The following CTNNBL1 variants were observed in gnomAD, a reference collection of about 807,000 sequenced individuals.
CTNNBL1 encodes catenin beta like 1.
A neutral mutation model predicts 72.7 loss-of-function variants in CTNNBL1; 31 were observed. The observed-to-expected ratio is 0.43, with a 90% confidence interval of 0.32 to 0.58. The LOEUF is 0.58. Ranked by LOEUF, CTNNBL1 falls within the 20% of genes least tolerant of loss-of-function variation. The probability of loss-of-function intolerance (pLI) is 0.08; values close to 1 mark genes in which losing one functional copy is unlikely to be tolerated. For missense variants in CTNNBL1, 534 were observed against 725.1 expected (o/e 0.74, Z 3.03); for synonymous variants, 240 against 267.3 (o/e 0.90, Z 1.00).
chr20:37,836,333 T>G (rs1360646004), intron 11 of CTNNBL1, among the ~76,000 whole-genome samples: 3 of 152,230 alleles, frequency 2.0e-5, no homozygotes, highest in Admixed American at 1.3e-4. Flanking sequence ...TAAAATTCAC[T>G]GGTAGGCCCT....
intron 1 of CTNNBL1, among the ~76,000 whole-genome samples, chr20:37,722,028 T>TC (rs1018580808): frequency 6.6e-6 from 1 of 152,376 alleles, no homozygotes; most frequent in African/African-American, 2.4e-5. Flanking sequence ...TTTTATTTTT[T>TC]CATTTTTGTC....
intron 4 of CTNNBL1, among the ~76,000 whole-genome samples, chr20:37,754,098 C>T (rs566852721): frequency 4.8e-4 from 73 of 152,232 alleles, no homozygotes; most frequent in African/African-American, 1.6e-3. Context: ...CAGATATACT[C>T]CACTTGTCTT....
At chr20:37,781,472 G>A (rs2073625057) in intron 10 of CTNNBL1, among the ~76,000 whole-genome samples, 1 of 152,102 alleles carries the variant, frequency 6.6e-6, no homozygotes, top group South Asian at 2.1e-4. Flanking sequence ...TTAAAGGAGA[G>A]CTCCAAAAAA....
chr20:37,741,512 C>T (rs190793410), intron 3 of CTNNBL1, among the ~76,000 whole-genome samples: 9 of 152,330 alleles, frequency 5.9e-5, no homozygotes, highest in South Asian at 2.1e-4. Flanking sequence ...TGGGACACCA[C>T]GCTCTGTGTT....
At chr20:37,799,138 A>G (rs796535640) in intron 10 of CTNNBL1, among the ~76,000 whole-genome samples, 11 of 152,080 alleles carry the variant, frequency 7.2e-5, no homozygotes, top group African/African-American at 2.4e-4. Context: ...GTCATTTCTC[A>G]TTTTTGTTGT....
At chr20:37,831,908 TC>T (rs1164024873) in intron 11 of CTNNBL1, among the ~76,000 whole-genome samples, 9 of 152,218 alleles carry the variant, frequency 5.9e-5, no homozygotes. Flanking sequence ...TATTTTCAGT[TC>T]TTGCAGGAAG....
chr20:37,781,947 C>T (rs2073629278), intron 10 of CTNNBL1, among the ~76,000 whole-genome samples: 1 of 152,184 alleles, frequency 6.6e-6, no homozygotes, highest in South Asian at 2.1e-4. Context: ...TGCTCTTTTA[C>T]TTACTAGCTC....
intron 2 of CTNNBL1, among the ~76,000 whole-genome samples, chr20:37,735,667 A>G (rs2073165206): frequency 6.6e-6 from 1 of 152,186 alleles, no homozygotes; most frequent in South Asian, 2.1e-4. Context: ...GGGATCTAGG[A>G]GTCATTGGTA....
At chr20:37,707,200 A>G (rs1048668569) in intron 1 of CTNNBL1, among the ~76,000 whole-genome samples, 5 of 152,218 alleles carry the variant, frequency 3.3e-5, no homozygotes, top group Non-Finnish European at 5.9e-5. Context: ...TTTAAAAGTC[A>G]TTAGTCCCTA....
At chr20:37,724,908 CTTTT>C (rs748038781) in intron 1 of CTNNBL1, among the ~76,000 whole-genome samples, 2 of 122,378 alleles carry the variant, frequency 1.6e-5, no homozygotes. Context: ...TCCTGTCAAT[CTTTT>C]TTTTTTTTTT....
chr20:37,793,435 A>G (rs2073743783), intron 10 of CTNNBL1, among the ~76,000 whole-genome samples: 1 of 152,234 alleles, frequency 6.6e-6, no homozygotes, highest in Admixed American at 6.5e-5. Context: ...ATATTAATAT[A>G]GCCACTACAA....
intron 7 of CTNNBL1, among the ~76,000 whole-genome samples, chr20:37,769,352 T>G (rs1205853567): frequency 1.3e-5 from 2 of 152,244 alleles, no homozygotes; most frequent in African/African-American, 4.8e-5. Context: ...CATATCCCAC[T>G]GATAAATCAG....
At chr20:37,842,214 G>A (rs1041784119) in intron 12 of CTNNBL1, 125 bp from the exon 13 acceptor site, 1 of 696,910 alleles carries the variant, frequency 1.4e-6, no homozygotes, top group Non-Finnish European at 2.6e-6. Flanking sequence ...CTCATCCGCT[G>A]TAAGGAGTGC....
At chr20:37,815,071 C>CTGTGTGTGTGTG (rs540541570) in intron 11 of CTNNBL1, among the ~76,000 whole-genome samples, 1 of 74,742 alleles carries the variant, frequency 1.3e-5, no homozygotes, top group African/African-American at 6.1e-5. Context: ...GTTAGGGACT[C>CTGTGTGTGTGTG]TGTGAGTGTG....
At chr20:37,735,564 G>A (rs1190353086) in intron 2 of CTNNBL1, among the ~76,000 whole-genome samples, 1 of 152,222 alleles carries the variant, frequency 6.6e-6, no homozygotes, top group Non-Finnish European at 1.5e-5. Context: ...AGTCTTGACT[G>A]AGCCAGGACT....
At chr20:37,840,240 TAGAA>T in intron 12 of CTNNBL1, 41 bp downstream of exon 12, 3 of 1,427,366 alleles carry the variant, frequency 2.1e-6, no homozygotes, top group Non-Finnish European at 3.0e-6. Flanking sequence ...CCGGGACTGA[TAGAA>T]AGGCTCTTTA....
chr20:37,801,782 C>T (rs2073825367), intron 10 of CTNNBL1, among the ~76,000 whole-genome samples: 1 of 152,128 alleles, frequency 6.6e-6, no homozygotes, highest in African/African-American at 2.4e-5. Context: ...GATGTTTCCC[C>T]CCTAAGACAA....
At chr20:37,850,543 T>C (rs1480655534) in intron 13 of CTNNBL1, among the ~76,000 whole-genome samples, 2 of 13,808 alleles carry the variant, frequency 1.4e-4, no homozygotes, top group East Asian at 6.0e-3. Context: ...CTGAGAGCCT[T>C]GGATTCTTAC....
At chr20:37,806,252 G>C (rs1180472855) in intron 11 of CTNNBL1, among the ~76,000 whole-genome samples, 1 of 152,168 alleles carries the variant, frequency 6.6e-6, no homozygotes, top group Non-Finnish European at 1.5e-5. Context: ...CCAGCTCCTA[G>C]GTGGAACACT....
Sources: gnomAD v4.1 joint callset for allele counts (sites outside exome capture counted in the v4.1 genomes callset) on GRCh38, gnomAD v4.1.1 for gene constraint, MANE v1.5 for transcripts, NCBI Gene and HGNC (gene_info 2026-07-23, HGNC 2026-07-21) for gene names.